LRP8: variants seen among roughly 807,000 people sequenced by gnomAD.
LRP8 encodes the protein low-density lipoprotein receptor-related protein 8.
A neutral mutation model predicts 111.6 loss-of-function variants in LRP8; 46 were observed. The ratio of observed to expected loss-of-function variants is 0.41; its 90% CI spans 0.33 to 0.53. The LOEUF is 0.53. LRP8 is among the 20% of genes least tolerant of loss of function. The probability of loss-of-function intolerance (pLI) is 0.20; values close to 1 mark genes in which losing one functional copy is unlikely to be tolerated. For missense variants in LRP8, 959 were observed against 1,297.4 expected (o/e 0.74, Z 4.01); for synonymous variants, 464 against 511.2 (o/e 0.91, Z 1.24).
chr1:53,314,696 G>A (rs906079632), intron 2 of LRP8, among the ~76,000 whole-genome samples: 14 of 152,176 alleles, frequency 9.2e-5, no homozygotes, highest in Admixed American at 2.6e-4. Context: ...GTCCCCGGAC[G>A]CATTGGACCC....
chr1:53,257,149 T>C, intron 15 of LRP8, 91 bp downstream of exon 15: 1 of 1,145,530 alleles, frequency 8.7e-7, no homozygotes, highest in South Asian at 1.4e-5. Flanking sequence ...AGTATTCAGC[T>C]CTGGTAGGTT....
chr1:53,296,797 G>A (rs927275695), intron 2 of LRP8, among the ~76,000 whole-genome samples: 3 of 152,220 alleles, frequency 2.0e-5, no homozygotes, highest in Non-Finnish European at 2.9e-5. Context: ...CTGGCCTGAC[G>A]GCCGTCCCAC....
intron 13 of LRP8, 27 bp downstream of exon 13, chr1:53,260,430 GGGGACCT>G: frequency 6.2e-7 from 1 of 1,609,844 alleles, no homozygotes; most frequent in Non-Finnish European, 8.5e-7. Context: ...GACACAGTCA[GGGGACCT>G]GGGACCTAGG....
chr1:53,260,288 G>T (rs1400832426), intron 13 of LRP8, among the ~76,000 whole-genome samples, 176 bp downstream of exon 13: 1 of 152,186 alleles, frequency 6.6e-6, no homozygotes, highest in East Asian at 1.9e-4. Flanking sequence ...AAGAACTTGA[G>T]GTAAAATGAG....
chr1:53,270,660 G>A (rs1461466239), intron 8 of LRP8, among the ~76,000 whole-genome samples: 1 of 152,170 alleles, frequency 6.6e-6, no homozygotes, highest in African/African-American at 2.4e-5. Context: ...ACCCAATGCA[G>A]AACTCTTAGG....
intron 6 of LRP8, chr1:53,272,631 A>G (rs183093259): frequency 1.5e-5 from 19 of 1,289,580 alleles, no homozygotes; most frequent in Non-Finnish European, 1.7e-5. Context: ...TTTCCCAGGA[A>G]TGTTGGCGGA....
In LRP8 at chr1:53,262,006, G is replaced by C; in HGVS notation, c.1914+62C>G. On this transcript the variant is annotated intron_variant, in intron 12 of 18. Coordinates refer to ENST00000306052, the MANE Select transcript of LRP8 (RefSeq NM_004631.5). This position sits in a 1 kb window ranked among gnomAD's most constrained non-coding sequence, Gnocchi z 4.8. ...CAAGTCTCAGGGACTCATCCTATTT[G>C]AACAAGCATTTTCTAGGCTTCAGCT... 2 of 1,584,100 alleles carry C rather than the reference G, an allele frequency of 1.3e-6. No homozygotes were observed. Among genetic ancestry groups the C allele is most frequent in the Middle Eastern group, 1.7e-4 (1 of 5,924 alleles).
intron 2 of LRP8, among the ~76,000 whole-genome samples, chr1:53,301,007 G>A (rs1179538575): frequency 6.6e-6 from 1 of 152,236 alleles, no homozygotes; most frequent in Non-Finnish European, 1.5e-5. Context: ...AGGGACAGAA[G>A]GAGGGTGCTC....
chr1:53,281,585 C>A (rs984420627), intron 3 of LRP8, among the ~76,000 whole-genome samples: 2 of 152,216 alleles, frequency 1.3e-5, no homozygotes, highest in African/African-American at 4.8e-5. Flanking sequence ...TCACAATAAG[C>A]CAGCAGGGTG....
intron 3 of LRP8, 123 bp downstream of exon 3, chr1:53,289,444 C>T (rs1257694989): frequency 1.7e-5 from 22 of 1,311,934 alleles, no homozygotes; most frequent in East Asian, 1.0e-4. Flanking sequence ...TTACCAGGAG[C>T]GCCCTGAGTG....
At position 53,262,252 on chromosome 1, in the gene LRP8, C is replaced by G. The variant is rs1646367454; in HGVS notation, c.1775-45G>C. 6.2e-7 allele frequency: 1 copy of G among 1,609,332 alleles called. No individual in the cohort carries two copies. Among genetic ancestry groups the G allele is most frequent in the African/African-American group, 1.3e-5 (1 of 74,762 alleles). Reference sequence around the variant, plus strand: ...CAGGTCATGAACCTGGGACCCCAGTCTGGAGCTCTGTTCCTTTGTACCTCT... The same window carrying G: ...CAGGTCATGAACCTGGGACCCCAGTGTGGAGCTCTGTTCCTTTGTACCTCT... On this transcript the variant is annotated intron_variant, in intron 11 of 18. Transcript: ENST00000306052. The surrounding 1 kb of genome is among the most constrained non-coding windows in gnomAD (Gnocchi z 4.8).
chr1:53,279,867 A>G lies in LRP8; in HGVS notation c.496+720T>C, dbSNP rs1189870805. Among the ~76,000 whole-genome samples the G allele has an allele frequency of 6.6e-6, 1 of 152,246 alleles. No homozygotes were observed. Among genetic ancestry groups the G allele is most frequent in the Non-Finnish European group, 1.5e-5 (1 of 68,036 alleles). ...ACTGTCCCTTTCAGAGCCTGGCTTC[A>G]GGCCTGGCACACAGTAGGTGCCCCT... On this transcript the variant is annotated intron_variant, in intron 4 of 18. Coordinates refer to ENST00000306052, the MANE Select transcript of LRP8 (RefSeq NM_004631.5). The surrounding 1 kb of genome is among the most constrained non-coding windows in gnomAD (Gnocchi z 4.4).
intron 3 of LRP8, 67 bp downstream of exon 3, chr1:53,289,500 C>T: frequency 1.3e-6 from 2 of 1,533,862 alleles, no homozygotes. Context: ...AGCCTCACAG[C>T]CTCTCAAGGA....
chr1:53,257,498 A>G, intron 14 of LRP8, 34 bp from the exon 15 acceptor site: 1 of 1,570,212 alleles, frequency 6.4e-7, no homozygotes, highest in Non-Finnish European at 8.8e-7. Context: ...TCACTTGGAC[A>G]GATAATTTTG....
chr1:53,257,168 T>C, intron 15 of LRP8, 72 bp downstream of exon 15: 10 of 1,408,468 alleles, frequency 7.1e-6, no homozygotes, highest in Non-Finnish European at 8.9e-6. Context: ...TTCTGTCTTA[T>C]CACATACCCC....
Position 53,327,850 on chromosome 1 carries a change from C to T in LRP8, c.63G>A (p.Leu21=), listed in dbSNP as rs1474333195. ...CAAGATGCTGGAGCTGCAGCAGCAG[C>T]AGCAGCAGCAGCAGCAGCAGCAGCG... is the stretch of plus-strand genomic sequence containing the variant. The part of the protein sequence containing the change: ...LLALLLLLLL[L]LLLQLQHLAA... The change falls in exon 1 of 19, where the codon CTG becomes CTA. Residue 21 remains leucine (L), a synonymous_variant. Coordinates refer to ENST00000306052, the MANE Select transcript of LRP8 (RefSeq NM_004631.5). 6.7e-7 allele frequency: 1 copy of T among 1,503,404 alleles called. No individual in the cohort carries two copies. The highest frequency in any genetic ancestry group is 8.8e-7 in the Non-Finnish European group (1 of 1,130,608). The allele number at this position is 1,503,404 out of a possible 1,614,324, so 93.1% of individuals were successfully genotyped here. A position where few individuals can be genotyped will look rare whatever the true frequency, so the allele number is the denominator to read the frequency against.
At chr1:53,277,139 G>A (rs1382936960) in intron 4 of LRP8, 61 bp from the exon 5 acceptor site, 2 of 1,382,616 alleles carry the variant, frequency 1.4e-6, no homozygotes, top group African/African-American at 3.1e-5. Flanking sequence ...CTGGGGCCCC[G>A]CTGGTCCGGC....
chr1:53,321,276 G>A (rs569582153), intron 2 of LRP8, among the ~76,000 whole-genome samples: 2 of 152,318 alleles, frequency 1.3e-5, no homozygotes, highest in South Asian at 4.1e-4. Context: ...GGAGGAAGTG[G>A]CATCCCTGCC....
chr1:53,308,083 T>C (rs564386866), intron 2 of LRP8, among the ~76,000 whole-genome samples: 4 of 152,306 alleles, frequency 2.6e-5, no homozygotes, highest in African/African-American at 9.6e-5. Flanking sequence ...GGGCGCTCAG[T>C]CCCTGCGGAG....
Sources: gnomAD v4.1 joint callset for allele counts (sites outside exome capture counted in the v4.1 genomes callset) on GRCh38, gnomAD v4.1.1 for gene constraint, Gnocchi (gnomAD v3.1) non-coding constraint, MANE v1.5 for transcripts, NCBI Gene and HGNC (gene_info 2026-07-23, HGNC 2026-07-21) for gene names.